The following SCN9A variants were observed in gnomAD, a reference collection of about 807,000 sequenced individuals.
The protein encoded by SCN9A is sodium voltage-gated channel alpha subunit 9.
A neutral mutation model predicts 187.0 loss-of-function variants in SCN9A; 131 were observed. The observed-to-expected ratio is 0.70, with a 90% confidence interval of 0.61 to 0.81. The LOEUF (loss-of-function observed/expected upper bound fraction) is 0.81. SCN9A is among the 30% of genes least tolerant of loss of function. The pLI is 0.00. For missense variants in SCN9A, 2,252 were observed against 2,396.6 expected (o/e 0.94, Z 1.26); for synonymous variants, 809 against 808.6 (o/e 1.00, Z -0.01).
At chr2:166,354,418 A>G (rs572018867) in intron 1 of SCN9A, among the ~76,000 whole-genome samples, 1 of 152,270 alleles carries the variant, frequency 6.6e-6, no homozygotes, top group South Asian at 2.1e-4. Context: ...AAAGGGGGAC[A>G]ATATGGTGGA....
intron 8 of SCN9A, among the ~76,000 whole-genome samples, chr2:166,293,830 T>A (rs1442150534): frequency 6.6e-6 from 1 of 152,198 alleles, no homozygotes; most frequent in Non-Finnish European, 1.5e-5. Context: ...TCAATAATAG[T>A]CAAAATATAG....
intron 24 of SCN9A, among the ~76,000 whole-genome samples, chr2:166,212,614 T>G (rs1558952699): frequency 6.6e-6 from 1 of 152,236 alleles, no homozygotes; most frequent in Non-Finnish European, 1.5e-5. Context: ...AACTGTGGAT[T>G]TGAACAACGC....
chr2:166,311,448 A>G, intron 2 of SCN9A, 51 bp downstream of exon 2: 1 of 1,386,514 alleles, frequency 7.2e-7, no homozygotes, highest in Non-Finnish European at 9.4e-7. Context: ...AATAATTTTT[A>G]TACAGAAGGA....
chr2:166,333,803 A>C (rs6432902), intron 1 of SCN9A, among the ~76,000 whole-genome samples: 123,264 of 151,966 alleles, frequency 0.81, 50,580 homozygotes, highest in African/African-American at 0.94. Flanking sequence ...GGGATAAAAT[A>C]CATTTCAAAA....
At chr2:166,236,262 C>T (rs1194386360) in intron 20 of SCN9A, among the ~76,000 whole-genome samples, 1 of 151,798 alleles carries the variant, frequency 6.6e-6, no homozygotes, top group Non-Finnish European at 1.5e-5. Context: ...AGCAAGAAAT[C>T]ATTACTATAT....
In SCN9A at chr2:166,199,401, T is replaced by G. The variant is rs770424172; in HGVS notation, c.5238A>C (p.Ile1746=). ...GIFYFVSYII[I]SFLVVVNMYI... ...ACATGTTCACCACAACCAGGAAGGATATGATGATATAACTAACAAAGTAGA... is the reference window on the plus strand; with the variant it reads ...ACATGTTCACCACAACCAGGAAGGAGATGATGATATAACTAACAAAGTAGA... Residue 1746 remains isoleucine (I), a synonymous_variant, in exon 27 of 27, where the codon ATA becomes ATC. Coordinates refer to ENST00000642356, the MANE Select transcript of SCN9A (RefSeq NM_001365536.1). The G allele has an allele frequency of 1.2e-6, 2 of 1,614,070 alleles. No individual in the cohort carries two copies. Among genetic ancestry groups the G allele is most frequent in the African/African-American group, 2.7e-5 (2 of 74,924 alleles).
intron 24 of SCN9A, among the ~76,000 whole-genome samples, chr2:166,217,810 C>T (rs1694401152): frequency 1.3e-5 from 2 of 151,828 alleles, no homozygotes; most frequent in South Asian, 4.2e-4. Context: ...CATGGAAGTT[C>T]CCAAAACAAA....
chr2:166,228,900 G>A lies in SCN9A; in HGVS notation c.3997C>T (p.Leu1333=), dbSNP rs1553479207. 3 of 1,613,546 alleles carry A rather than the reference G, an allele frequency of 1.9e-6. No homozygotes were observed. The highest frequency in any genetic ancestry group is 1.7e-6 in the Non-Finnish European group (2 of 1,179,526). ...TTTACTCCCATGATGCTGAATATCA[G>A]CCAGAATATAAGACACACAAGTAGC... ...NVLLVCLIFW[L]IFSIMGVNLF... The change falls in exon 22 of 27, where the codon CTG becomes TTG. Residue 1333 remains leucine (L), a synonymous_variant. Coordinates refer to ENST00000642356, the MANE Select transcript of SCN9A (RefSeq NM_001365536.1).
chr2:166,348,993 T>C (rs1034058172), intron 1 of SCN9A, among the ~76,000 whole-genome samples: 3 of 152,204 alleles, frequency 2.0e-5, no homozygotes, highest in African/African-American at 7.2e-5. Context: ...CCGGGCGTGG[T>C]GGCGCGTGCT....
chr2:166,245,663 A>T (rs948281929), intron 18 of SCN9A, among the ~76,000 whole-genome samples: 1 of 152,036 alleles, frequency 6.6e-6, no homozygotes, highest in Non-Finnish European at 1.5e-5. Context: ...ATTTTAGATG[A>T]AAAACCTCAT....
chr2:166,352,327 C>T (rs1186602056), intron 1 of SCN9A, among the ~76,000 whole-genome samples: 2 of 152,050 alleles, frequency 1.3e-5, no homozygotes, highest in East Asian at 3.9e-4. Flanking sequence ...TCCTTTGCTA[C>T]AAGACCAGAA....
chr2:166,244,102 A>G (rs1695682418), intron 18 of SCN9A, among the ~76,000 whole-genome samples: 1 of 152,058 alleles, frequency 6.6e-6, no homozygotes, highest in African/African-American at 2.4e-5. Context: ...GGAGGAGCTG[A>G]CTCGGCAGGT....
chr2:166,370,222 T>TTC (rs201414746), intron 1 of SCN9A, among the ~76,000 whole-genome samples: 1 of 142,424 alleles, frequency 7.0e-6, no homozygotes, highest in Admixed American at 7.0e-5. Context: ...ATAATAATAA[T>TTC]AATAATAATA....
intron 17 of SCN9A, among the ~76,000 whole-genome samples, chr2:166,270,720 G>T (rs2106457114): frequency 6.6e-6 from 1 of 150,926 alleles, no homozygotes; most frequent in South Asian, 2.1e-4. Flanking sequence ...CGCCTCTGGA[G>T]CTCAAGTGAT....
At chr2:166,319,768 T>C (rs1300646079) in intron 1 of SCN9A, among the ~76,000 whole-genome samples, 2 of 152,138 alleles carry the variant, frequency 1.3e-5, no homozygotes, top group Non-Finnish European at 2.9e-5. Context: ...ATGTGTTAAA[T>C]ATTATCAGTG....
chr2:166,273,412 C>G (rs560672500), intron 16 of SCN9A, among the ~76,000 whole-genome samples: 22 of 152,012 alleles, frequency 1.4e-4, no homozygotes, highest in Non-Finnish European at 2.6e-4. Flanking sequence ...ATAAAATATT[C>G]TGTCCAAGAA....
chr2:166,363,381 T>A (rs1261937659), intron 1 of SCN9A, among the ~76,000 whole-genome samples: 1 of 152,036 alleles, frequency 6.6e-6, no homozygotes, highest in Non-Finnish European at 1.5e-5. Flanking sequence ...GCACAATGAA[T>A]CCTTGTTTGA....
intron 17 of SCN9A, among the ~76,000 whole-genome samples, chr2:166,264,765 G>C (rs563440719): frequency 5.9e-5 from 9 of 152,068 alleles, no homozygotes; most frequent in African/African-American, 1.7e-4. Context: ...AGGGAGAAGA[G>C]AGGGAGAGAT....
intron 1 of SCN9A, among the ~76,000 whole-genome samples, chr2:166,371,418 C>T (rs1700560034): frequency 6.6e-6 from 1 of 152,182 alleles, no homozygotes; most frequent in South Asian, 2.1e-4. Flanking sequence ...TTCCTCCAAA[C>T]TTCATTCCAC....
Sources: allele counts gnomAD v4.1 joint callset (sites outside exome capture counted in the v4.1 genomes callset), GRCh38; gene constraint gnomAD v4.1.1; transcripts MANE v1.5; gene names NCBI Gene and HGNC (gene_info 2026-07-23, HGNC 2026-07-21).